CYRIA: variants seen among roughly 807,000 people sequenced by gnomAD.
CYRIA encodes the protein CYFIP-related Rac1 interactor A.
A neutral mutation model predicts 43.9 loss-of-function variants in CYRIA; 15 were observed. The observed-to-expected ratio is 0.34, with a 90% confidence interval of 0.23 to 0.53. The LOEUF is 0.53. Among genes scored for constraint, CYRIA ranks in the 20% least tolerant of loss-of-function variants. The pLI, the probability that CYRIA is intolerant of heterozygous loss-of-function variation, is 0.94. For synonymous variants in CYRIA, 117 were observed against 136.0 expected (o/e 0.86, Z 0.97); for missense variants, 236 against 394.2 (o/e 0.60, Z 3.40).
At chr2:16,573,761 C>T (rs1467886203) in intron 3 of CYRIA, among the ~76,000 whole-genome samples, 2 of 152,190 alleles carry the variant, frequency 1.3e-5, no homozygotes, top group Non-Finnish European at 2.9e-5. Context: ...GTGACTTGCT[C>T]CTCTTTGCCT....
intron 2 of CYRIA, among the ~76,000 whole-genome samples, chr2:16,610,403 C>A (rs1252702087): frequency 2.0e-5 from 3 of 152,226 alleles, no homozygotes; most frequent in Non-Finnish European, 4.4e-5. Context: ...TAAGACATGG[C>A]CTGTGGCCTC....
chr2:16,600,525 C>A (rs1374225921), intron 2 of CYRIA, among the ~76,000 whole-genome samples: 2 of 152,126 alleles, frequency 1.3e-5, no homozygotes, highest in Non-Finnish European at 2.9e-5. Flanking sequence ...AGGTGATGCA[C>A]ATTCTATTTA....
chr2:16,606,315 A>G (rs1668395836), intron 2 of CYRIA, among the ~76,000 whole-genome samples: 2 of 150,278 alleles, frequency 1.3e-5, no homozygotes, highest in African/African-American at 4.9e-5. Context: ...CTCCCACCAA[A>G]CTCTCTCCAT....
intron 3 of CYRIA, among the ~76,000 whole-genome samples, chr2:16,572,102 G>C (rs1472818673): frequency 6.6e-6 from 1 of 152,086 alleles, no homozygotes; most frequent in South Asian, 2.1e-4. Flanking sequence ...CACATGCAGT[G>C]GGACCCTGTG....
intron 3 of CYRIA, among the ~76,000 whole-genome samples, chr2:16,574,106 G>A (rs1291080933): frequency 4.6e-5 from 7 of 152,164 alleles, no homozygotes; most frequent in Admixed American, 2.0e-4. Flanking sequence ...CCAGGCTGAG[G>A]TGGTCTCAGG....
In CYRIA at chr2:16,549,872, C is replaced by T. The variant is rs1666232089; in HGVS notation, c.*3064G>A. 6.6e-6 allele frequency: 1 copy of T among 151,966 alleles called. No homozygotes were observed. The highest frequency in any genetic ancestry group is 1.5e-5 in the Non-Finnish European group (1 of 67,984). The allele number at this position is 151,966 out of a possible 1,614,324, so 9.4% of individuals were successfully genotyped here. ...TAAGGTCTTAATTTAATGGTGATAA[C>T]TAGGAGCAAATGTTGATCAAGCATG... On this transcript the variant is annotated 3_prime_UTR_variant, in exon 12 of 12. Coordinates refer to ENST00000381323, the MANE Select transcript of CYRIA (RefSeq NM_030797.4).
intron 2 of CYRIA, among the ~76,000 whole-genome samples, chr2:16,590,561 ATGCC>A (rs1192385416): frequency 1.3e-5 from 2 of 152,182 alleles, no homozygotes; most frequent in Non-Finnish European, 2.9e-5. Flanking sequence ...AGTAGAAGAT[ATGCC>A]AAGCCTTTGA....
chr2:16,580,741 T>G (rs1667523407), intron 3 of CYRIA, among the ~76,000 whole-genome samples: 4 of 152,142 alleles, frequency 2.6e-5, no homozygotes, highest in Non-Finnish European at 5.9e-5. Context: ...TAAGACCTAT[T>G]GTTTGTTATA....
At chr2:16,651,435 C>A (rs543713277) in intron 1 of CYRIA, among the ~76,000 whole-genome samples, 36 of 152,292 alleles carry the variant, frequency 2.4e-4, no homozygotes, top group African/African-American at 6.5e-4. Context: ...TTTCTGACAG[C>A]TGGAAAAAAT....
At chr2:16,582,040 T>C (rs956855864) in intron 3 of CYRIA, among the ~76,000 whole-genome samples, 1 of 152,160 alleles carries the variant, frequency 6.6e-6, no homozygotes, top group African/African-American at 2.4e-5. Flanking sequence ...CAGTAGCTGT[T>C]TTTGGGGTCT....
intron 10 of CYRIA, among the ~76,000 whole-genome samples, chr2:16,556,829 G>A (rs1354172851): frequency 6.6e-6 from 1 of 152,046 alleles, no homozygotes; most frequent in East Asian, 1.9e-4. Flanking sequence ...CATAGGATTT[G>A]GTGACTGATG....
At chr2:16,587,675 TAA>T (rs1481719567) in intron 3 of CYRIA, among the ~76,000 whole-genome samples, 1 of 152,016 alleles carries the variant, frequency 6.6e-6, no homozygotes, top group African/African-American at 2.4e-5. Context: ...AGATGGGAGG[TAA>T]CTGAATCATG....
At chr2:16,555,904 T>C (rs1260102676) in intron 10 of CYRIA, among the ~76,000 whole-genome samples, 2 of 152,182 alleles carry the variant, frequency 1.3e-5, no homozygotes, top group East Asian at 3.9e-4. Context: ...GTTTCCTTCA[T>C]GCTTGTTTCT....
At chr2:16,585,297 C>G (rs1459272410) in intron 3 of CYRIA, among the ~76,000 whole-genome samples, 1 of 152,024 alleles carries the variant, frequency 6.6e-6, no homozygotes, top group Non-Finnish European at 1.5e-5. Flanking sequence ...AGGGACAGAA[C>G]GATTGCTGTA....
chr2:16,563,821 T>C (rs1039868398), intron 5 of CYRIA, among the ~76,000 whole-genome samples, 168 bp downstream of exon 5: 1 of 152,036 alleles, frequency 6.6e-6, no homozygotes, highest in African/African-American at 2.4e-5. Context: ...TTGTGGTGGA[T>C]TGAAAGAAAT....
intron 1 of CYRIA, among the ~76,000 whole-genome samples, chr2:16,630,258 G>A (rs965459509): frequency 1.3e-5 from 2 of 152,144 alleles, no homozygotes; most frequent in Non-Finnish European, 2.9e-5. Flanking sequence ...AGTAGATAAC[G>A]AAGTGCGCAT....
At chr2:16,576,893 C>T (rs1667370484) in intron 3 of CYRIA, among the ~76,000 whole-genome samples, 1 of 152,138 alleles carries the variant, frequency 6.6e-6, no homozygotes. Context: ...GGATATTATG[C>T]TAAGCAAAAT....
intron 1 of CYRIA, among the ~76,000 whole-genome samples, chr2:16,653,332 C>A (rs1264156534): frequency 6.6e-6 from 1 of 152,222 alleles, no homozygotes; most frequent in Non-Finnish European, 1.5e-5. Flanking sequence ...GTTTGGCCCT[C>A]GCTGAGGCTC....
Position 16,561,067 on chromosome 2 carries a change from G to A in CYRIA, c.633C>T (p.Asn211=), listed in dbSNP as rs754786214. ...TGGTGTTCTCTATTGGCAGAGTTTTGTTCTAAATGGGAGACACAAATGTAC... is the reference window on the plus strand; with the variant it reads ...TGGTGTTCTCTATTGGCAGAGTTTTATTCTAAATGGGAGACACAAATGTAC... ...SNATMHFVSE[N]KTLPIENTTD... The change falls in exon 9 of 12, where the codon AAC becomes AAT. Residue 211 remains asparagine, a splice_region_variant and synonymous_variant. Coordinates refer to ENST00000381323, the MANE Select transcript of CYRIA (RefSeq NM_030797.4). 3.7e-6 allele frequency: 6 copies of A among 1,613,660 alleles called. No individual in the cohort carries two copies. In the South Asian group the frequency reaches 6.6e-5, roughly 18 times the overall value.
Sources: gnomAD v4.1 joint callset for allele counts (sites outside exome capture counted in the v4.1 genomes callset) on GRCh38, gnomAD v4.1.1 for gene constraint, MANE v1.5 for transcripts, NCBI Gene and HGNC (gene_info 2026-07-23, HGNC 2026-07-21) for gene names.